Variants in GALNT18 observed in about 807,000 individuals in gnomAD.
The protein encoded by GALNT18 is GalNAc-transferase 18.
In GALNT18, 44 loss-of-function variants were observed where a neutral mutation model predicts 69.5. The ratio of observed to expected loss-of-function variants is 0.63; its 90% CI spans 0.50 to 0.81. GALNT18 has a LOEUF of 0.81. GALNT18 is among the 40% of genes least tolerant of loss of function. The pLI, the probability that GALNT18 is intolerant of heterozygous loss-of-function variation, is 0.00. For missense variants in GALNT18, 715 were observed against 810.0 expected, an observed-to-expected ratio of 0.88 and a Z score of 1.42; for synonymous variants, 364 against 318.2, an observed-to-expected ratio of 1.14 and a Z score of -1.53.
At chr11:11,281,781 A>G (rs1479177551) in intron 10 of GALNT18, among the ~76,000 whole-genome samples, 1 of 151,912 alleles carries the variant, frequency 6.6e-6, no homozygotes, top group Non-Finnish European at 1.5e-5. Context: ...GCCTGAAGGG[A>G]TGTGGGAAGG....
At chr11:11,311,942 C>A (rs773443683) in intron 9 of GALNT18, among the ~76,000 whole-genome samples, 1 of 152,270 alleles carries the variant, frequency 6.6e-6, no homozygotes, top group Admixed American at 6.5e-5. Flanking sequence ...CTCCCCATGC[C>A]GTTGGAAATC....
In GALNT18 at chr11:11,321,759, T is replaced by C. The variant is rs576956624; in HGVS notation, c.1512+5327A>G. Among the ~76,000 whole-genome samples, 19 of 152,328 alleles carry C rather than the reference T, an allele frequency of 1.2e-4. No individual in the cohort carries two copies. In the East Asian group the frequency reaches 1.5e-3, roughly 12 times the overall value. On this transcript the variant is annotated intron_variant, in intron 9 of 10. Coordinates refer to ENST00000227756, the MANE Select transcript of GALNT18 (RefSeq NM_198516.3). ...CTGGAATTACAGGTGTGTGCCAACATGCCTGGCTAATTTTTTTATATTTTT... is the reference window on the plus strand; with the variant it reads ...CTGGAATTACAGGTGTGTGCCAACACGCCTGGCTAATTTTTTTATATTTTT...
At chr11:11,589,817 T>C (rs933002003) in intron 1 of GALNT18, among the ~76,000 whole-genome samples, 1 of 152,082 alleles carries the variant, frequency 6.6e-6, no homozygotes, top group Admixed American at 6.5e-5. Context: ...GTAGCCCAGA[T>C]AGTCCATGGA....
intron 1 of GALNT18, among the ~76,000 whole-genome samples, chr11:11,530,766 G>A (rs186456213): frequency 5.1e-4 from 78 of 152,306 alleles, no homozygotes; most frequent in African/African-American, 1.8e-3. Flanking sequence ...AGAGCACAGA[G>A]TTCTCTTGTC....
In GALNT18 at chr11:11,459,909, G is replaced by A. The variant is rs1302154753; in HGVS notation, c.236-10973C>T. On this transcript the variant is annotated intron_variant, in intron 1 of 10. Coordinates refer to ENST00000227756, the MANE Select transcript of GALNT18 (RefSeq NM_198516.3). This position sits in a 1 kb window ranked among gnomAD's most constrained non-coding sequence, Gnocchi z 5.0. ...GTTGGTAGGGCCATTCTCCTTTCTG[G>A]AAGCTCTGGAGGAGAGATTCTGTTT... 6.6e-6 allele frequency among the ~76,000 whole-genome samples: 1 copy of A among 152,160 alleles called. No homozygotes were observed. The highest frequency in any genetic ancestry group is 1.5e-5 in the Non-Finnish European group (1 of 68,042).
At chr11:11,367,049 G>A (rs1170480009) in intron 6 of GALNT18, among the ~76,000 whole-genome samples, 2 of 152,166 alleles carry the variant, frequency 1.3e-5, no homozygotes, top group African/African-American at 2.4e-5. Context: ...GATCCTTGGT[G>A]CTCCCAAGGT....
In GALNT18 at chr11:11,590,117, A is replaced by T. The variant is rs973961702; in HGVS notation, c.235+31242T>A. Among the ~76,000 whole-genome samples the T allele has an allele frequency of 5.9e-5, 9 of 152,150 alleles. No homozygotes were observed. Among genetic ancestry groups the T allele is most frequent in the Non-Finnish European group, 1.3e-4 (9 of 68,022 alleles). On this transcript the variant is annotated intron_variant, in intron 1 of 10. Transcript: ENST00000227756. The surrounding 1 kb of genome is among the most constrained non-coding windows in gnomAD (Gnocchi z 4.4). ...CAGACACTGCTGTGTGTTCACTAAA[A>T]CCACCTTCCTTTCTTCCAGGGAAAC...
chr11:11,445,124 C>T (rs570660923), intron 2 of GALNT18, among the ~76,000 whole-genome samples: 3 of 152,330 alleles, frequency 2.0e-5, no homozygotes, highest in South Asian at 2.1e-4. Flanking sequence ...ATTGTTAAAG[C>T]GGGCCTGCCA....
intron 1 of GALNT18, among the ~76,000 whole-genome samples, chr11:11,485,310 T>C (rs1006577157): frequency 1.3e-5 from 2 of 152,192 alleles, no homozygotes; most frequent in Non-Finnish European, 2.9e-5. Context: ...TGGTTACCTA[T>C]CCTTTTGATG....
intron 1 of GALNT18, among the ~76,000 whole-genome samples, chr11:11,612,237 A>G (rs1859924906): frequency 6.6e-6 from 1 of 152,230 alleles, no homozygotes. Context: ...AATTTTAAAA[A>G]TTACAATTTT....
chr11:11,458,127 G>A (rs371730318), intron 1 of GALNT18, among the ~76,000 whole-genome samples: 11 of 152,098 alleles, frequency 7.2e-5, no homozygotes, highest in Admixed American at 3.3e-4. Flanking sequence ...TCTGCTATTC[G>A]CTCTCTTTGG....
At position 11,567,382 on chromosome 11, in the gene GALNT18, T is replaced by G. The variant is rs1014358570; in HGVS notation, c.235+53977A>C. On this transcript the variant is annotated intron_variant, in intron 1 of 10. Coordinates refer to ENST00000227756, the MANE Select transcript of GALNT18 (RefSeq NM_198516.3). ...AAAGAAGGCATCCATTGATTTCCACTGGGAAGGTGGAGGCATTTGGAGGCT... is the reference window on the plus strand; with the variant it reads ...AAAGAAGGCATCCATTGATTTCCACGGGGAAGGTGGAGGCATTTGGAGGCT... Among the ~76,000 whole-genome samples the G allele has an allele frequency of 2.0e-5, 3 of 152,328 alleles. No individual in the cohort carries two copies. The East Asian group carries it at 5.8e-4, about 29-fold the overall frequency.
At chr11:11,280,648 T>A (rs1200352385) in intron 10 of GALNT18, among the ~76,000 whole-genome samples, 2 of 152,188 alleles carry the variant, frequency 1.3e-5, no homozygotes, top group Non-Finnish European at 2.9e-5. Context: ...TTTTGTATAA[T>A]TTTCCAAACT....
At chr11:11,516,996 C>T (rs1472535951) in intron 1 of GALNT18, among the ~76,000 whole-genome samples, 8 of 152,188 alleles carry the variant, frequency 5.3e-5, no homozygotes, top group Non-Finnish European at 1.2e-4. Flanking sequence ...GGGCAGAGCC[C>T]TCATCAATGA....
rs941761463 is a variant in GALNT18, at chr11:11,606,661, A to G, written c.235+14698T>C. 6.6e-6 allele frequency among the ~76,000 whole-genome samples: 1 copy of G among 152,206 alleles called. No individual in the cohort carries two copies. Among genetic ancestry groups the G allele is most frequent in the African/African-American group, 2.4e-5 (1 of 41,460 alleles). ...ATCCCATCCAAGGGAGACCCTGAAAAGCTGCCCACCTCTTTGTCCCATAAG... is the reference window on the plus strand; with the variant it reads ...ATCCCATCCAAGGGAGACCCTGAAAGGCTGCCCACCTCTTTGTCCCATAAG... On this transcript the variant is annotated intron_variant, in intron 1 of 10. Transcript: ENST00000227756. The surrounding 1 kb of genome is among the most constrained non-coding windows in gnomAD (Gnocchi z 5.4).
rs538761216 is a variant in GALNT18, at chr11:11,617,272, C to T, written c.235+4087G>A. On this transcript the variant is annotated intron_variant, in intron 1 of 10. Transcript: ENST00000227756. The surrounding 1 kb of genome is among the most constrained non-coding windows in gnomAD (Gnocchi z 4.7). ...TAACCAATTTTTCTATTAACTAACT[C>T]AAGCCCTGACCACGTTGACTAAAAG... Among the ~76,000 whole-genome samples, 38 of 152,302 alleles carry T rather than the reference C, an allele frequency of 2.5e-4. No homozygotes were observed. Among genetic ancestry groups the T allele is most frequent in the African/African-American group, 8.9e-4 (37 of 41,560 alleles).
In GALNT18 at chr11:11,463,674, T is replaced by C. The variant is rs1409981282; in HGVS notation, c.236-14738A>G. 1.3e-5 allele frequency among the ~76,000 whole-genome samples: 2 copies of C among 152,130 alleles called. No individual in the cohort carries two copies. The highest frequency in any genetic ancestry group is 4.8e-5 in the African/African-American group (2 of 41,432). On this transcript the variant is annotated intron_variant, in intron 1 of 10. Transcript: ENST00000227756. This position sits in a 1 kb window ranked among gnomAD's most constrained non-coding sequence, Gnocchi z 4.2. ...AAGTGGATTTGTCCTTCGAAAAAAC[T>C]GAACAAACAGGCCCTCCCAACCCCA...
At chr11:11,379,293 T>C (rs772658378) in intron 3 of GALNT18, 29 bp from the exon 4 acceptor site, 3 of 1,598,736 alleles carry the variant, frequency 1.9e-6, no homozygotes, top group Non-Finnish European at 2.6e-6. Context: ...AGCCTTAGCA[T>C]GGGAGGGAGG....
rs528971508 is a variant in GALNT18 at position 11,340,688 on chromosome 11, G to A, written c.1278+131C>T. 1.2e-6 allele frequency: 1 copy of A among 800,350 alleles called. No homozygotes were observed. Among genetic ancestry groups the A allele is most frequent in the South Asian group, 2.0e-5 (1 of 49,592 alleles). 49.6% of individuals were successfully genotyped at this position (800,350 alleles called of 1,614,324 possible). ...TTCTTCAGCAAATAATATGTTTTGGGGTTGAGAGTCCATTCTTGCATGGCA... is the reference window on the plus strand; with the variant it reads ...TTCTTCAGCAAATAATATGTTTTGGAGTTGAGAGTCCATTCTTGCATGGCA... On this transcript the variant is annotated intron_variant, in intron 7 of 10. Coordinates refer to ENST00000227756, the MANE Select transcript of GALNT18 (RefSeq NM_198516.3). This position sits in a 1 kb window ranked among gnomAD's most constrained non-coding sequence, Gnocchi z 4.2.
Sources: allele counts gnomAD v4.1 joint callset (sites outside exome capture counted in the v4.1 genomes callset), GRCh38; gene constraint gnomAD v4.1.1; non-coding constraint Gnocchi (gnomAD v3.1); transcripts MANE v1.5; gene names NCBI Gene and HGNC (gene_info 2026-07-23, HGNC 2026-07-21).